PTK7: variants seen among roughly 807,000 people sequenced by gnomAD.
PTK7 encodes the protein protein tyrosine kinase 7 (inactive).
In PTK7, 39 loss-of-function variants were observed where a neutral mutation model predicts 116.6. The ratio of observed to expected loss-of-function variants is 0.33; its 90% CI spans 0.26 to 0.44. The LOEUF is 0.44. Ranked by LOEUF, PTK7 falls within the 20% of genes least tolerant of loss-of-function variation. The probability of loss-of-function intolerance (pLI) is 1.00; values close to 1 mark genes in which losing one functional copy is unlikely to be tolerated. For synonymous variants in PTK7, 546 were observed against 563.6 expected, an observed-to-expected ratio of 0.97 and a Z score of 0.44; for missense variants, 1,169 against 1,425.6, an observed-to-expected ratio of 0.82 and a Z score of 2.90.
rs1247993521 is a variant in PTK7 at position 43,105,029 on chromosome 6, T to C, written c.80-23948T>C. Reference sequence around the variant, plus strand: ...TGTTTCACCGTGTTAGCCAGGATGGTCTCGATCGCCTGACCTTGTGATCCA... The same window carrying C: ...TGTTTCACCGTGTTAGCCAGGATGGCCTCGATCGCCTGACCTTGTGATCCA... On this transcript the variant is annotated intron_variant, in intron 1 of 19. Transcript: ENST00000230419. Among the ~76,000 whole-genome samples, 7 of 151,612 alleles carry C rather than the reference T, an allele frequency of 4.6e-5. 1 individual carries two copies. In the East Asian group the frequency reaches 1.4e-3, roughly 29 times the overall value.
intron 10 of PTK7, among the ~76,000 whole-genome samples, chr6:43,140,549 T>C (rs1432818574): frequency 6.6e-6 from 1 of 152,138 alleles, no homozygotes; most frequent in Non-Finnish European, 1.5e-5. Context: ...ATGTTTTTCT[T>C]TTTTTACCTA....
intron 1 of PTK7, chr6:43,077,075 C>G (rs1582038846): frequency 1.0e-5 from 13 of 1,265,138 alleles, no homozygotes; most frequent in Non-Finnish European, 1.3e-5. Flanking sequence ...CCCGACGTTC[C>G]CGGCTTCCCT....
In PTK7 at chr6:43,134,314, T is replaced by A. The variant is rs556693024; in HGVS notation, c.1228+1627T>A. On this transcript the variant is annotated intron_variant, in intron 7 of 19. Transcript: ENST00000230419. The stretch of plus-strand genomic sequence containing the variant: ...TCGGCCTCCTAAAGTGCTGGGATTA[T>A]GGGTGTGAGCTGCCATGCCCGGCCT... Among the ~76,000 whole-genome samples, 34 of 152,130 alleles carry A rather than the reference T, an allele frequency of 2.2e-4. No homozygotes were observed. In the South Asian group the frequency reaches 6.8e-3, roughly 31 times the overall value.
intron 1 of PTK7, among the ~76,000 whole-genome samples, chr6:43,112,976 G>A (rs1461817438): frequency 3.9e-5 from 6 of 152,092 alleles, no homozygotes; most frequent in East Asian, 1.9e-4. Context: ...CTATAGGCAC[G>A]TGCCACTGCA....
In PTK7 at chr6:43,151,406, G is replaced by A. The variant is rs1371996503; in HGVS notation, c.2721+4708G>A. 4.0e-5 allele frequency among the ~76,000 whole-genome samples: 6 copies of A among 151,062 alleles called. No individual in the cohort carries two copies. The East Asian group carries it at 9.8e-4, about 25-fold the overall frequency. ...TTTTTGTATTTTTAGTAGAGGTGGG[G>A]TTTCACCGTGTTAGCCAAGATGGTC... On this transcript the variant is annotated intron_variant, in intron 17 of 19. Coordinates refer to ENST00000230419, the MANE Select transcript of PTK7 (RefSeq NM_002821.5).
intron 1 of PTK7, among the ~76,000 whole-genome samples, chr6:43,080,831 A>G (rs1340071548): frequency 6.6e-6 from 1 of 151,970 alleles, no homozygotes; most frequent in Admixed American, 6.6e-5. Context: ...AATCCCATCT[A>G]CTCAGGAGGC....
chr6:43,131,847 G>T (rs1165816385), intron 5 of PTK7, 169 bp from the exon 6 acceptor site: 2 of 863,096 alleles, frequency 2.3e-6, no homozygotes, highest in Non-Finnish European at 3.6e-6. Flanking sequence ...CTGAGCAAGT[G>T]TATGCAGGCA....
intron 1 of PTK7, among the ~76,000 whole-genome samples, chr6:43,095,931 A>G (rs909533981): frequency 1.3e-5 from 2 of 152,182 alleles, no homozygotes; most frequent in Non-Finnish European, 2.9e-5. Flanking sequence ...GTCAACAAAT[A>G]CTTCAAAGCC....
intron 1 of PTK7, among the ~76,000 whole-genome samples, chr6:43,094,190 C>G (rs1767112026): frequency 6.6e-6 from 1 of 152,198 alleles, no homozygotes; most frequent in Admixed American, 6.5e-5. Context: ...AGCCTCTGCT[C>G]TTTTTGTTAC....
intron 1 of PTK7, among the ~76,000 whole-genome samples, chr6:43,116,631 TGTGTGTGTGTGTGTGTGTGTGC>T (rs1162377066): frequency 6.2e-5 from 8 of 128,258 alleles, no homozygotes; most frequent in Admixed American, 1.6e-4. Context: ...TGTGTGTGTG[TGTGTGTGTGTGTGTGTGTGTGC>T]GCGCGCACGC....
intron 1 of PTK7, among the ~76,000 whole-genome samples, chr6:43,104,964 CA>C (rs1169701512): frequency 6.6e-6 from 1 of 151,970 alleles, no homozygotes; most frequent in Non-Finnish European, 1.5e-5. Flanking sequence ...AGGTGCCCGC[CA>C]CCATGCTCAG....
rs1273819522 is a variant in PTK7 at position 43,161,640 on chromosome 6, T to C, written c.*759T>C. Reference sequence around the variant, plus strand: ...ACCCCACACTTTTATTGTTGTCGTTTTTTGTTTGTTTTGTTTTTTTGTTTT... The same window carrying C: ...ACCCCACACTTTTATTGTTGTCGTTCTTTGTTTGTTTTGTTTTTTTGTTTT... On this transcript the variant is annotated 3_prime_UTR_variant, in exon 20 of 20. Transcript: ENST00000230419. 5.3e-5 allele frequency: 8 copies of C among 152,114 alleles called. No homozygotes were observed. The highest frequency in any genetic ancestry group is 1.9e-4 in the African/African-American group (8 of 41,414). The allele number at this position is 152,114 out of a possible 1,614,324, so 9.4% of individuals were successfully genotyped here.
At chr6:43,081,287 C>T (rs1399266289) in intron 1 of PTK7, among the ~76,000 whole-genome samples, 1 of 152,228 alleles carries the variant, frequency 6.6e-6, no homozygotes, top group Non-Finnish European at 1.5e-5. Flanking sequence ...GCGACACCAT[C>T]CATATTTTTG....
At position 43,113,432 on chromosome 6, in the gene PTK7, C is replaced by CA. The variant is rs374911644; in HGVS notation, c.80-15534dup. ...TGGGTGACAGAGCGGTACTCCATCT[C>CA]AAAAAAAAAAAGTGTTTTCCTTTTC... On this transcript the variant is annotated intron_variant, in intron 1 of 19. Transcript: ENST00000230419. Among the ~76,000 whole-genome samples the CA allele has an allele frequency of 4.5e-3, 650 of 143,884 alleles. 3 individuals carry two copies. Among genetic ancestry groups the CA allele is most frequent in the African/African-American group, 0.013 (529 of 39,476 alleles). 94.4% of individuals were successfully genotyped at this position (143,884 alleles called of 152,430 possible). A position where few individuals can be genotyped will look rare whatever the true frequency, so the allele number is the denominator to read the frequency against.
At chr6:43,116,601 GGTTTGTGT>G (rs1768534612) in intron 1 of PTK7, among the ~76,000 whole-genome samples, 1 of 128,006 alleles carries the variant, frequency 7.8e-6, no homozygotes, top group African/African-American at 3.2e-5. Flanking sequence ...AGGAAAAGCT[GGTTTGTGT>G]GTGTGTGTGT....
chr6:43,106,839 C>T (rs138994072), intron 1 of PTK7, among the ~76,000 whole-genome samples: 275 of 151,844 alleles, frequency 1.8e-3, no homozygotes, highest in African/African-American at 6.0e-3. Flanking sequence ...TTGTCTTGAA[C>T]TCCTGACCTA....
At chr6:43,128,179 C>T (rs1230341812) in intron 1 of PTK7, among the ~76,000 whole-genome samples, 2 of 152,214 alleles carry the variant, frequency 1.3e-5, no homozygotes, top group African/African-American at 4.8e-5. Flanking sequence ...CATGATTTAA[C>T]TTTACTAAAC....
chr6:43,112,360 C>G (rs1244680980), intron 1 of PTK7, among the ~76,000 whole-genome samples: 1 of 151,776 alleles, frequency 6.6e-6, no homozygotes, highest in East Asian at 1.9e-4. Context: ...CCTCCGCCTC[C>G]CAGGTTCAAG....
intron 1 of PTK7, among the ~76,000 whole-genome samples, chr6:43,127,790 G>A (rs1469017300): frequency 5.3e-5 from 8 of 152,142 alleles, no homozygotes; most frequent in South Asian, 4.1e-4. Flanking sequence ...TTAGCCAGGC[G>A]TGGTGGCGGG....
Sources: gnomAD v4.1 joint callset for allele counts (sites outside exome capture counted in the v4.1 genomes callset) on GRCh38, gnomAD v4.1.1 for gene constraint, MANE v1.5 for transcripts, NCBI Gene and HGNC (gene_info 2026-07-23, HGNC 2026-07-21) for gene names.